DIAPH3: variants seen among roughly 807,000 people sequenced by gnomAD.
DIAPH3 encodes the protein diaphanous related formin 3.
In DIAPH3, 117 loss-of-function variants were observed where a neutral mutation model predicts 144.3. That is an observed-to-expected ratio of 0.81 (90% CI 0.70 to 0.95). The LOEUF is 0.95. Among genes scored for constraint, DIAPH3 ranks in the 40% least tolerant of loss-of-function variants. The pLI, the probability that DIAPH3 is intolerant of heterozygous loss-of-function variation, is 0.00. For missense variants in DIAPH3, 1,421 were observed against 1,412.7 expected (o/e 1.01, Z -0.09); for synonymous variants, 519 against 488.9 (o/e 1.06, Z -0.81).
chr13:59,933,512 T>A (rs994977683), intron 17 of DIAPH3, among the ~76,000 whole-genome samples: 3 of 152,222 alleles, frequency 2.0e-5, no homozygotes, highest in African/African-American at 7.2e-5. Context: ...ACACTTACTC[T>A]GAAAGACTAG....
At chr13:60,087,044 C>G (rs894009032) in intron 4 of DIAPH3, among the ~76,000 whole-genome samples, 3 of 152,118 alleles carry the variant, frequency 2.0e-5, no homozygotes, top group Non-Finnish European at 2.9e-5. Context: ...TAAATCATCT[C>G]TAGATGACTT....
chr13:59,723,400 C>T (rs187435461), intron 27 of DIAPH3, among the ~76,000 whole-genome samples: 28 of 152,124 alleles, frequency 1.8e-4, no homozygotes, highest in African/African-American at 6.0e-4. Context: ...ATCCATCCAA[C>T]TTTCCATAAG....
At chr13:60,021,109 C>A (rs2053987355) in intron 5 of DIAPH3, 1 of 151,978 alleles carries the variant, frequency 6.6e-6, no homozygotes, top group Admixed American at 6.6e-5. Context: ...GTAATCCTAC[C>A]CTTGCCCACC....
intron 9 of DIAPH3, among the ~76,000 whole-genome samples, chr13:60,000,356 T>C (rs187544294): frequency 9.2e-5 from 14 of 152,190 alleles, no homozygotes; most frequent in Non-Finnish European, 2.9e-5. Flanking sequence ...TTAATGTCAC[T>C]GAACTATACT....
intron 14 of DIAPH3, among the ~76,000 whole-genome samples, chr13:59,976,349 A>G: frequency 6.6e-6 from 1 of 152,006 alleles, no homozygotes; most frequent in East Asian, 1.9e-4. Flanking sequence ...CTGACCACAA[A>G]TGATTATGTA....
At position 59,810,893 on chromosome 13, in the gene DIAPH3, C is replaced by T; in HGVS notation, c.3058G>A (p.Glu1020Lys). ...ACACGTTTTTCTTTTTCCTCTGCTT[C>T]TCTTTTTTTGATATTCTCCTTTATT... ...QAIKENIKKREAEEKEKRVRI... is the reference protein window; with the variant it reads ...QAIKENIKKRKAEEKEKRVRI... The change falls in exon 25 of 28, where the codon GAA (glutamate) becomes AAA (lysine). Residue 1020 changes from glutamate to lysine, a missense_variant. Coordinates refer to ENST00000400324, the MANE Select transcript of DIAPH3 (RefSeq NM_001042517.2). 1 of 1,600,326 alleles carries T rather than the reference C, an allele frequency of 6.2e-7. No individual in the cohort carries two copies. Among genetic ancestry groups the T allele is most frequent in the East Asian group, 2.3e-5 (1 of 44,296 alleles).
chr13:59,819,445 G>A (rs916650294), intron 24 of DIAPH3, among the ~76,000 whole-genome samples: 3 of 151,810 alleles, frequency 2.0e-5, no homozygotes, highest in Non-Finnish European at 4.4e-5. Context: ...GGATTTTTAA[G>A]AGTCCCTAGT....
At chr13:60,105,688 A>C (rs142828127) in intron 3 of DIAPH3, among the ~76,000 whole-genome samples, 25 of 152,352 alleles carry the variant, frequency 1.6e-4, no homozygotes, top group Admixed American at 4.6e-4. Context: ...AAGCATTCCC[A>C]CAGAACCTCT....
rs752050852 is a variant in DIAPH3, at chr13:59,716,884, A to G, written c.3320-50038T>C. Among the ~76,000 whole-genome samples the G allele has an allele frequency of 3.9e-5, 6 of 152,182 alleles. No individual in the cohort carries two copies. The East Asian group carries it at 9.6e-4, about 24-fold the overall frequency. On this transcript the variant is annotated intron_variant, in intron 27 of 27. Transcript: ENST00000400324. ...CAAGGGAATACCTGACTCTGGTAGCATACATTATTACGTCAGCACTCTTTT... is the reference window on the plus strand; with the variant it reads ...CAAGGGAATACCTGACTCTGGTAGCGTACATTATTACGTCAGCACTCTTTT...
At chr13:59,835,964 G>C (rs2042026219) in intron 23 of DIAPH3, among the ~76,000 whole-genome samples, 4 of 151,594 alleles carry the variant, frequency 2.6e-5, no homozygotes, top group African/African-American at 2.4e-5. Flanking sequence ...TTGCTATATA[G>C]AATAACACAC....
chr13:59,828,340 A>G (rs1330218975), intron 24 of DIAPH3, among the ~76,000 whole-genome samples: 1 of 152,046 alleles, frequency 6.6e-6, no homozygotes, highest in Non-Finnish European at 1.5e-5. Flanking sequence ...ACATTCTTCT[A>G]TCATGAACCC....
intron 4 of DIAPH3, among the ~76,000 whole-genome samples, chr13:60,050,177 G>A (rs1378609448): frequency 6.6e-6 from 1 of 152,188 alleles, no homozygotes; most frequent in Non-Finnish European, 1.5e-5. Context: ...CTAGGCAACA[G>A]AGCAAAACTG....
chr13:59,713,155 A>G (rs2034839961), intron 27 of DIAPH3, among the ~76,000 whole-genome samples: 1 of 151,882 alleles, frequency 6.6e-6, no homozygotes, highest in Non-Finnish European at 1.5e-5. Context: ...ACCCCTGTAC[A>G]CCAAGTACAG....
Position 60,163,667 on chromosome 13 carries a change from T to G in DIAPH3, c.100A>C (p.Lys34Gln). 6.2e-7 allele frequency: 1 copy of G among 1,608,044 alleles called. No individual in the cohort carries two copies. Residue 34 changes from lysine (K) to glutamine (Q), a missense_variant, in exon 1 of 28, where the codon AAG becomes CAG. Lys to Gln is a moderately conservative substitution (Grantham distance 53, BLOSUM62 1). Coordinates refer to ENST00000400324, the MANE Select transcript of DIAPH3 (RefSeq NM_001042517.2). ...SASLRGCRESKMPRRKGPQHP... is the reference protein window; with the variant it reads ...SASLRGCRESQMPRRKGPQHP... ...TGGGGGCCCTTCCTGCGCGGCATCT[T>G]GCTTTCCCGGCAGCCGCGGAGAGAG...
chr13:59,941,683 C>A (rs1415192124), intron 17 of DIAPH3, among the ~76,000 whole-genome samples: 1 of 151,936 alleles, frequency 6.6e-6, no homozygotes, highest in African/African-American at 2.4e-5. Context: ...AAAGAGTCAG[C>A]GGACATATTT....
chr13:59,829,698 C>A (rs536553644), intron 24 of DIAPH3, among the ~76,000 whole-genome samples: 17 of 151,864 alleles, frequency 1.1e-4, no homozygotes, highest in Non-Finnish European at 1.9e-4. Context: ...ATGACAGACA[C>A]AGATCTTACT....
chr13:59,944,319 T>A (rs561646764), intron 17 of DIAPH3, among the ~76,000 whole-genome samples: 1 of 152,126 alleles, frequency 6.6e-6, no homozygotes, highest in African/African-American at 2.4e-5. Flanking sequence ...ATGTAGGCCA[T>A]GAATGATTAA....
intron 27 of DIAPH3, among the ~76,000 whole-genome samples, chr13:59,735,359 G>C (rs1421648379): frequency 6.6e-6 from 1 of 152,134 alleles, no homozygotes; most frequent in Non-Finnish European, 1.5e-5. Flanking sequence ...CTAATTTGCA[G>C]AATTTGAAGA....
Position 59,763,234 on chromosome 13 carries a change from A to G in DIAPH3, c.3319+10955T>C, listed in dbSNP as rs144877925. Among the ~76,000 whole-genome samples, 12 of 151,842 alleles carry G rather than the reference A, an allele frequency of 7.9e-5. No individual in the cohort carries two copies. In the East Asian group the frequency reaches 1.7e-3, roughly 22 times the overall value. On this transcript the variant is annotated intron_variant, in intron 27 of 27. Coordinates refer to ENST00000400324, the MANE Select transcript of DIAPH3 (RefSeq NM_001042517.2). ...TTTATATATGTGTATACATGTGTGT[A>G]TATATATACACATATAAGTGTATAT...
Sources: gnomAD v4.1 joint callset for allele counts (sites outside exome capture counted in the v4.1 genomes callset) on GRCh38, gnomAD v4.1.1 for gene constraint, MANE v1.5 for transcripts, NCBI Gene and HGNC (gene_info 2026-07-23, HGNC 2026-07-21) for gene names.